The following DAB1 variants were observed in gnomAD, a reference collection of about 807,000 sequenced individuals.
DAB1 encodes disabled homolog 1.
In DAB1, 15 loss-of-function variants were observed where a neutral mutation model predicts 64.6. The ratio of observed to expected loss-of-function variants is 0.23; its 90% CI spans 0.16 to 0.36. The LOEUF (loss-of-function observed/expected upper bound fraction) is 0.36. Among genes scored for constraint, DAB1 ranks in the 10% least tolerant of loss-of-function variants. DAB1 has a pLI of 1.00. For missense variants in DAB1, 596 were observed against 706.7 expected (o/e 0.84, Z 1.78); for synonymous variants, 235 against 251.9 (o/e 0.93, Z 0.64).
chr1:58,538,754 A>C (rs1304031908), intron 1 of DAB1: 2 of 715,118 alleles, frequency 2.8e-6, no homozygotes, highest in Non-Finnish European at 4.7e-6. Context: ...ATTAATGCAA[A>C]AAGTTAATAT....
rs554450392 is a variant in DAB1 at position 57,839,219 on chromosome 1, A to G, written n.88-12764T>C. Among the ~76,000 whole-genome samples, 20 of 152,260 alleles carry G rather than the reference A, an allele frequency of 1.3e-4. No individual in the cohort carries two copies. In the South Asian group the frequency reaches 2.7e-3, roughly 21 times the overall value. On this transcript the variant is annotated intron_variant and non_coding_transcript_variant, in intron 1 of 1. Coordinates refer to the DAB1 transcript ENST00000477280. ...CGGTTAAAAAAATAAATAAATAACC[A>G]CCCATCTAAGTGAGTGACTCAGGCC... is the stretch of plus-strand genomic sequence containing the variant.
At chr1:58,246,392 A>G (rs926047323) in intron 4 of DAB1, among the ~76,000 whole-genome samples, 3 of 152,202 alleles carry the variant, frequency 2.0e-5, no homozygotes, top group Non-Finnish European at 4.4e-5. Flanking sequence ...AGGGAACACG[A>G]GCTTCCTGAG....
chr1:57,990,710 A>G (rs950933041), intron 5 of DAB1, among the ~76,000 whole-genome samples: 8 of 152,140 alleles, frequency 5.3e-5, no homozygotes, highest in Admixed American at 3.3e-4. Context: ...CAATATGGGG[A>G]ATCTAGGGGC....
chr1:57,451,359 T>C (rs1686351700), intron 7 of DAB1, among the ~76,000 whole-genome samples: 1 of 152,262 alleles, frequency 6.6e-6, no homozygotes, highest in Non-Finnish European at 1.5e-5. Context: ...ATGTTTGTTC[T>C]ATCACATCCT....
At chr1:57,808,723 T>C (rs1023104916) in intron 6 of DAB1, among the ~76,000 whole-genome samples, 15 of 152,356 alleles carry the variant, frequency 9.8e-5, no homozygotes, top group Non-Finnish European at 1.0e-4. Context: ...TGATCCATTA[T>C]AATGAAAACT....
At position 58,333,264 on chromosome 1, in the gene DAB1, A is replaced by T. The variant is rs574703376; in HGVS notation, n.309+10088T>A. ...TGTGCGCCCACTCATGGACCAATCA[A>T]CAGTGGTAGGGGAGGAATCACGTGA... On this transcript the variant is annotated intron_variant and non_coding_transcript_variant, in intron 4 of 20. Transcript: ENST00000485760. Among the ~76,000 whole-genome samples, 30 of 152,306 alleles carry T rather than the reference A, an allele frequency of 2.0e-4. No individual in the cohort carries two copies. In the South Asian group the frequency reaches 5.8e-3, roughly 29 times the overall value.
At chr1:58,433,802 C>T (rs975001388) in intron 3 of DAB1, among the ~76,000 whole-genome samples, 3 of 152,102 alleles carry the variant, frequency 2.0e-5, no homozygotes. Flanking sequence ...GACCTAATCA[C>T]CTCTTAACGG....
chr1:57,575,908 T>C (rs1645244115), intron 7 of DAB1, among the ~76,000 whole-genome samples: 1 of 152,170 alleles, frequency 6.6e-6, no homozygotes, highest in Non-Finnish European at 1.5e-5. Flanking sequence ...CTAGGTGGCA[T>C]TACGGCTTGA....
intron 5 of DAB1, among the ~76,000 whole-genome samples, chr1:58,114,647 A>G (rs991980684): frequency 4.6e-5 from 7 of 152,234 alleles, no homozygotes; most frequent in African/African-American, 1.7e-4. Context: ...AGTAACTGCA[A>G]CAGAGACTAT....
At chr1:58,139,877 G>A (rs112251558) in intron 5 of DAB1, among the ~76,000 whole-genome samples, 43 of 152,252 alleles carry the variant, frequency 2.8e-4, no homozygotes, top group Non-Finnish European at 4.9e-4. Flanking sequence ...AATACATAAA[G>A]TGCCCAGGCC....
chr1:57,738,256 A>T (rs1490652192), intron 6 of DAB1, among the ~76,000 whole-genome samples: 1 of 152,232 alleles, frequency 6.6e-6, no homozygotes, highest in African/African-American at 2.4e-5. Context: ...AGTAATAAAA[A>T]GTCAAAGCTA....
At chr1:58,193,905 A>G (rs1215573088) in intron 4 of DAB1, among the ~76,000 whole-genome samples, 1 of 152,180 alleles carries the variant, frequency 6.6e-6, no homozygotes, top group Non-Finnish European at 1.5e-5. Context: ...ACAAAGAGGT[A>G]AAGTAACTAA....
chr1:57,004,889 G>T (rs181319657), intron 14 of DAB1, among the ~76,000 whole-genome samples: 3,950 of 146,364 alleles, frequency 0.027, 178 homozygotes, highest in African/African-American at 0.095. Context: ...TAAAGTGGAG[G>T]GAATAACATC....
chr1:57,451,533 G>A (rs776305400), intron 7 of DAB1, among the ~76,000 whole-genome samples: 4 of 152,082 alleles, frequency 2.6e-5, no homozygotes, highest in South Asian at 2.1e-4. Flanking sequence ...CCTTGTATCC[G>A]AGATCTCTAA....
chr1:57,993,483 G>A (rs1328042327), intron 5 of DAB1, among the ~76,000 whole-genome samples: 3 of 152,046 alleles, frequency 2.0e-5, no homozygotes, highest in Non-Finnish European at 4.4e-5. Context: ...TGTAGCTGTT[G>A]ATATTAATTA....
chr1:57,875,369 G>C (rs778639634), intron 1 of DAB1, among the ~76,000 whole-genome samples: 4 of 152,028 alleles, frequency 2.6e-5, no homozygotes, highest in Non-Finnish European at 5.9e-5. Flanking sequence ...CTCTTTTTCA[G>C]CTTAATCAAT....
At chr1:57,552,074 G>A (rs1045382868) in intron 7 of DAB1, among the ~76,000 whole-genome samples, 3 of 152,240 alleles carry the variant, frequency 2.0e-5, no homozygotes. Flanking sequence ...CCTGTACATC[G>A]CAGTAAGCAG....
At position 57,070,711 on chromosome 1, in the gene DAB1, T is replaced by A. The variant is rs1570634935; in HGVS notation, c.597+312A>T. On this transcript the variant is annotated intron_variant, in intron 7 of 14. Transcript: ENST00000371236. ...ATTATTCATATTCTCTCTAATGAAC[T>A]CAGAATATTCAAGAGACTCTTGAAA... The A allele has an allele frequency of 2.8e-5, 10 of 357,954 alleles. 1 individual carries two copies. The South Asian group carries it at 3.0e-4, about 11-fold the overall frequency. The allele number at this position is 357,954 out of a possible 1,614,324, so 22.2% of individuals were successfully genotyped here.
At chr1:57,876,427 G>A (rs1174806275) in intron 1 of DAB1, 3 of 152,258 alleles carry the variant, frequency 2.0e-5, no homozygotes, top group South Asian at 2.1e-4. Context: ...CTTGTGCACA[G>A]TACCTGGCAC....
Sources: gnomAD v4.1 joint callset for allele counts (sites outside exome capture counted in the v4.1 genomes callset) on GRCh38, gnomAD v4.1.1 for gene constraint, MANE v1.5 for transcripts, NCBI Gene and HGNC (gene_info 2026-07-23, HGNC 2026-07-21) for gene names.